Variants in RPS6KB1 observed in about 807,000 individuals in gnomAD.
RPS6KB1 encodes the protein ribosomal protein S6 kinase beta-1.
A neutral mutation model predicts 70.2 loss-of-function variants in RPS6KB1; 12 were observed. The observed-to-expected ratio is 0.17, with a 90% CI of 0.11 to 0.28. The LOEUF (loss-of-function observed/expected upper bound fraction) is 0.28, where lower values mean the gene tolerates loss of function less well. RPS6KB1 is among the 10% of genes least tolerant of loss of function. The probability of loss-of-function intolerance (pLI) is 1.00; values close to 1 mark genes in which losing one functional copy is unlikely to be tolerated. For missense variants in RPS6KB1, 270 were observed against 646.6 expected, an observed-to-expected ratio of 0.42 and a Z score of 6.32; for synonymous variants, 175 against 211.2, an observed-to-expected ratio of 0.83 and a Z score of 1.49.
intron 5 of RPS6KB1, among the ~76,000 whole-genome samples, chr17:59,929,245 C>T (rs1355384626): frequency 6.6e-6 from 1 of 152,080 alleles, no homozygotes; most frequent in Non-Finnish European, 1.5e-5. Context: ...ATTTTCCTGC[C>T]TCAGCCTCCC....
intron 4 of RPS6KB1, among the ~76,000 whole-genome samples, chr17:59,915,772 T>C (rs911131883): frequency 1.6e-5 from 2 of 124,092 alleles, no homozygotes; most frequent in African/African-American, 7.1e-5. Context: ...GGCCTACTGC[T>C]ATCTTTTTTT....
intron 5 of RPS6KB1, among the ~76,000 whole-genome samples, chr17:59,927,507 C>CTT (rs749733289): frequency 3.5e-5 from 5 of 142,450 alleles, no homozygotes; most frequent in South Asian, 2.2e-4. Flanking sequence ...ATTGGAAAAA[C>CTT]TTTTTTTTTT....
At chr17:59,923,880 C>T (rs945266689) in intron 4 of RPS6KB1, among the ~76,000 whole-genome samples, 1 of 152,088 alleles carries the variant, frequency 6.6e-6, no homozygotes, top group Non-Finnish European at 1.5e-5. Flanking sequence ...ACAACATAAA[C>T]GCACTCATTT....
chr17:59,947,454 A>C lies in RPS6KB1; in HGVS notation c.*666A>C. On this transcript the variant is annotated 3_prime_UTR_variant, in exon 15 of 15. Coordinates refer to ENST00000225577, the MANE Select transcript of RPS6KB1 (RefSeq NM_003161.4). ...TGAAATAATAAAATGCAAATGAATC[A>C]TTGTTAACCACAGCTGTGGCTCGTT... 7.6e-7 allele frequency: 1 copy of C among 1,316,490 alleles called. No homozygotes were observed. Among genetic ancestry groups the C allele is most frequent in the Non-Finnish European group, 9.8e-7 (1 of 1,025,376 alleles). The allele number at this position is 1,316,490 out of a possible 1,614,324, so 81.6% of individuals were successfully genotyped here. A position where few individuals can be genotyped will look rare whatever the true frequency, so the allele number is the denominator to read the frequency against.
intron 3 of RPS6KB1, chr17:59,913,892 G>C (rs2144805627): frequency 6.6e-6 from 1 of 152,150 alleles, no homozygotes; most frequent in East Asian, 1.9e-4. Context: ...GTAGAGATGG[G>C]GTTTCACCAT....
Position 59,893,705 on chromosome 17 carries a change from G to C in RPS6KB1, c.141+380G>C. 1.1e-6 allele frequency: 1 copy of C among 888,446 alleles called. No homozygotes were observed. The highest frequency in any genetic ancestry group is 1.4e-6 in the Non-Finnish European group (1 of 730,124). 55.0% of individuals were successfully genotyped at this position (888,446 alleles called of 1,614,324 possible). On this transcript the variant is annotated intron_variant, in intron 1 of 14. Coordinates refer to ENST00000225577, the MANE Select transcript of RPS6KB1 (RefSeq NM_003161.4). The surrounding 1 kb of genome is among the most constrained non-coding windows in gnomAD (Gnocchi z 4.1). ...GTCCCGTAAGTGCAGGCGAAGTGTGGAGGGTTTCCCTTCGAGTCTAGAATT... is the reference window on the plus strand; with the variant it reads ...GTCCCGTAAGTGCAGGCGAAGTGTGCAGGGTTTCCCTTCGAGTCTAGAATT...
At chr17:59,930,413 G>A (rs2043864728) in intron 6 of RPS6KB1, 2 of 396,030 alleles carry the variant, frequency 5.1e-6, no homozygotes, top group Non-Finnish European at 9.2e-6. Flanking sequence ...TTCTCATTGC[G>A]GCTTTCTTTC....
chr17:59,938,812 T>C (rs886842939), intron 12 of RPS6KB1, among the ~76,000 whole-genome samples: 6 of 151,764 alleles, frequency 4.0e-5, no homozygotes, highest in African/African-American at 1.5e-4. Flanking sequence ...AATTTGGCAA[T>C]GTCTGGAGAT....
chr17:59,932,573 T>TG (rs2043987913), intron 7 of RPS6KB1, among the ~76,000 whole-genome samples: 1 of 135,990 alleles, frequency 7.4e-6, no homozygotes, highest in Non-Finnish European at 1.6e-5. Flanking sequence ...TTTTTTGAGA[T>TG]GGGGGTCTCA....
Position 59,893,242 on chromosome 17 carries a change from G to A in RPS6KB1, c.58G>A (p.Glu20Lys), listed in dbSNP as rs754270633. Residue 20 changes from glutamate (E) to lysine (K), a missense_variant, in exon 1 of 15, where the codon GAA (glutamate) becomes AAA (lysine). Physicochemically the swap from Glu to Lys is moderately conservative, Grantham distance 56. This residue lies in a region of RPS6KB1 where 72 missense variants were observed against 93.4 expected (regional missense o/e 0.77). Transcript: ENST00000225577. The surrounding 1 kb of genome is among the most constrained non-coding windows in gnomAD (Gnocchi z 4.1). ...CCCAGCCCCGGACTTCCGAGACAGG[G>A]AAGCTGAGGACATGGCAGGAGTGTT... ...FYPAPDFRDR[E>K]AEDMAGVFDI... is the part of the protein sequence containing the mutation. 4 of 1,613,066 alleles carry A rather than the reference G, an allele frequency of 2.5e-6. No homozygotes were observed. The South Asian group carries it at 4.4e-5, about 18-fold the overall frequency.
chr17:59,911,183 G>T (rs1370369263), intron 2 of RPS6KB1, among the ~76,000 whole-genome samples: 1 of 152,170 alleles, frequency 6.6e-6, no homozygotes, highest in Non-Finnish European at 1.5e-5. Flanking sequence ...CAACAAAAAA[G>T]AAATTCATGT....
intron 7 of RPS6KB1, among the ~76,000 whole-genome samples, chr17:59,932,601 G>A (rs1173693860): frequency 6.9e-6 from 1 of 144,456 alleles, no homozygotes; most frequent in Non-Finnish European, 1.5e-5. Context: ...ATCCAGGCTA[G>A]AGTATGGTGG....
At chr17:59,930,612 G>A (rs2043875286) in intron 6 of RPS6KB1, among the ~76,000 whole-genome samples, 1 of 152,072 alleles carries the variant, frequency 6.6e-6, no homozygotes, top group Non-Finnish European at 1.5e-5. Context: ...TAGTCAGGGT[G>A]GGATTTACCC....
chr17:59,902,111 T>TC (rs2041081898), intron 1 of RPS6KB1, among the ~76,000 whole-genome samples: 1 of 140,326 alleles, frequency 7.1e-6, no homozygotes, highest in Non-Finnish European at 1.5e-5. Flanking sequence ...TTTTTTTTTT[T>TC]TTTTTTTTTT....
intron 4 of RPS6KB1, among the ~76,000 whole-genome samples, chr17:59,918,558 T>C (rs921734295): frequency 5.3e-5 from 8 of 151,746 alleles, no homozygotes; most frequent in African/African-American, 1.2e-4. Context: ...TTAGCAGATA[T>C]CGGGTTTCAT....
rs1439657967 is a variant in RPS6KB1, at chr17:59,950,141, G to C, written c.*3353G>C. 6.6e-6 allele frequency: 1 copy of C among 152,472 alleles called. No individual in the cohort carries two copies. The highest frequency in any genetic ancestry group is 1.5e-5 in the Non-Finnish European group (1 of 67,942). 9.4% of individuals were successfully genotyped at this position (152,472 alleles called of 1,614,324 possible). ...TGATTAATACAGTACTTTTTCTTGT[G>C]TGATTCTTAACATTATAGCACAAGT... On this transcript the variant is annotated 3_prime_UTR_variant, in exon 15 of 15. Transcript: ENST00000225577.
chr17:59,926,993 T>C (rs1400641240), intron 5 of RPS6KB1, among the ~76,000 whole-genome samples: 2 of 152,208 alleles, frequency 1.3e-5, no homozygotes, highest in East Asian at 3.8e-4. Flanking sequence ...ATGGGGTATG[T>C]AGCTTATAAT....
intron 1 of RPS6KB1, among the ~76,000 whole-genome samples, chr17:59,901,440 C>T (rs893105211): frequency 3.3e-5 from 5 of 150,086 alleles, no homozygotes; most frequent in Admixed American, 6.6e-5. Flanking sequence ...TGAGCCACCG[C>T]GCCTGGCCGA....
chr17:59,944,586 TAAAAC>T (rs779334553), intron 13 of RPS6KB1, among the ~76,000 whole-genome samples: 19 of 152,156 alleles, frequency 1.2e-4, no homozygotes, highest in South Asian at 2.1e-4. Flanking sequence ...CCCCATCTCT[TAAAAC>T]AAAACAAAAA....
Sources: gnomAD v4.1 joint callset for allele counts (sites outside exome capture counted in the v4.1 genomes callset) on GRCh38, gnomAD v4.1.1 for gene constraint, gnomAD v4.1.1 regional missense constraint, Gnocchi (gnomAD v3.1) non-coding constraint, MANE v1.5 for transcripts, NCBI Gene and HGNC (gene_info 2026-07-23, HGNC 2026-07-21) for gene names.